Variants in CDNF observed in about 807,000 individuals in gnomAD.
CDNF encodes cerebral dopamine neurotrophic factor.
A neutral mutation model predicts 14.8 loss-of-function variants in CDNF; 9 were observed. The ratio of observed to expected loss-of-function variants is 0.61; its 90% confidence interval spans 0.37 to 1.06. The LOEUF is 1.06. Ranked by LOEUF, CDNF falls within the 50% of genes least tolerant of loss-of-function variation. The pLI is 0.01. For synonymous variants in CDNF, 86 were observed against 87.2 expected (o/e 0.99, Z 0.07); for missense variants, 228 against 228.4 (o/e 1.00, Z 0.01).
In CDNF at chr10:14,820,129, G is replaced by A; in HGVS notation, c.415C>T (p.Leu139=). Residue 139 remains leucine (L), a synonymous_variant, in exon 4 of 4, where the codon CTG becomes TTG. Transcript: ENST00000465530. ...EKTLDLASVD[L]RKMRVAELKQ... ...AGCTCTGCCACTCTCATCTTCCGCA[G>A]GTCAACTGATGCCAAGTCCAGTGTT... 1 of 1,613,820 alleles carries A rather than the reference G, an allele frequency of 6.2e-7. No homozygotes were observed. The highest frequency in any genetic ancestry group is 8.5e-7 in the Non-Finnish European group (1 of 1,179,946).
chr10:14,820,367 C>T (rs1455460286), intron 3 of CDNF, among the ~76,000 whole-genome samples: 1 of 152,100 alleles, frequency 6.6e-6, no homozygotes, highest in Admixed American at 6.5e-5. Context: ...TCTGCATCTG[C>T]AGATTCAACC....
At chr10:14,820,767 T>C (rs2131620657) in intron 3 of CDNF, among the ~76,000 whole-genome samples, 1 of 152,138 alleles carries the variant, frequency 6.6e-6, no homozygotes, top group African/African-American at 2.4e-5. Flanking sequence ...ATAACAACTA[T>C]TTACAATGAT....
chr10:14,820,200 G>A (rs760607239), intron 3 of CDNF, 42 bp from the exon 4 acceptor site: 17 of 1,586,166 alleles, frequency 1.1e-5, no homozygotes, highest in Middle Eastern at 1.7e-4. Flanking sequence ...AAAATAAATG[G>A]AAAAAAAATC....
intron 1 of CDNF, among the ~76,000 whole-genome samples, chr10:14,837,496 CA>C (rs1833902566): frequency 6.6e-6 from 1 of 152,224 alleles, no homozygotes; most frequent in African/African-American, 2.4e-5. Flanking sequence ...CAAGGGGAGG[CA>C]AATCTTGCTG....
intron 2 of CDNF, among the ~76,000 whole-genome samples, chr10:14,826,161 AAGAAGCAGAAGCAGCAGC>A (rs975687282): frequency 2.7e-5 from 4 of 147,132 alleles, no homozygotes; most frequent in African/African-American, 7.9e-5. Context: ...GAAGAAGAAG[AAGAAGCAGAAGCAGCAGC>A]AGAAGCAGAA....
In CDNF at chr10:14,819,591, G is replaced by A. The variant is rs969038314; in HGVS notation, c.*389C>T. 1 of 157,688 alleles carries A rather than the reference G, an allele frequency of 6.3e-6. No homozygotes were observed. Among genetic ancestry groups the A allele is most frequent in the Admixed American group, 6.4e-5 (1 of 15,534 alleles). 9.8% of individuals were successfully genotyped at this position (157,688 alleles called of 1,614,324 possible). On this transcript the variant is annotated 3_prime_UTR_variant, in exon 4 of 4. Coordinates refer to ENST00000465530, the MANE Select transcript of CDNF (RefSeq NM_001029954.3). Reference sequence around the variant, plus strand: ...ATTGAAGTTGTGCATTAGATAAGCTGACTGTTGTGTCTTTTGTTTTAGTCC... The same window carrying A: ...ATTGAAGTTGTGCATTAGATAAGCTAACTGTTGTGTCTTTTGTTTTAGTCC...
At chr10:14,828,429 A>C (rs1833817293) in intron 1 of CDNF, among the ~76,000 whole-genome samples, 157 bp from the exon 2 acceptor site, 1 of 152,058 alleles carries the variant, frequency 6.6e-6, no homozygotes, top group Admixed American at 6.5e-5. Context: ...TGGGCAGATC[A>C]CAAGGTCAGG....
chr10:14,822,921 A>G (rs916020572), intron 3 of CDNF, among the ~76,000 whole-genome samples: 1 of 152,190 alleles, frequency 6.6e-6, no homozygotes, highest in African/African-American at 2.4e-5. Context: ...TTTAAACACA[A>G]AGCAAGCAAA....
chr10:14,828,303 C>A, intron 1 of CDNF, 31 bp from the exon 2 acceptor site: 1 of 1,609,122 alleles, frequency 6.2e-7, no homozygotes, highest in Non-Finnish European at 8.5e-7. Context: ...TGTCTGCATG[C>A]ACAACTTAAC....
intron 1 of CDNF, among the ~76,000 whole-genome samples, chr10:14,836,932 CAAAAACAAAAACA>C (rs1310704070): frequency 1.4e-4 from 22 of 151,968 alleles, no homozygotes; most frequent in Non-Finnish European, 4.4e-5. Flanking sequence ...TGTCTCAAAA[CAAAAACAAAAACA>C]AAAAACAAAA....
intron 3 of CDNF, among the ~76,000 whole-genome samples, chr10:14,820,402 A>G (rs956582734): frequency 2.0e-5 from 3 of 152,148 alleles, no homozygotes; most frequent in Non-Finnish European, 2.9e-5. Flanking sequence ...AATATTCTAA[A>G]CAAATTAAAG....
chr10:14,826,688 AG>A (rs1833799615), intron 2 of CDNF, among the ~76,000 whole-genome samples: 1 of 152,222 alleles, frequency 6.6e-6, no homozygotes, highest in Non-Finnish European at 1.5e-5. Context: ...TCTCTGTGCC[AG>A]GTGCTGCTCT....
In CDNF at chr10:14,828,290, A is replaced by G; in HGVS notation, c.116-18T>C. 6.2e-7 allele frequency: 1 copy of G among 1,612,122 alleles called. No individual in the cohort carries two copies. Among genetic ancestry groups the G allele is most frequent in the Non-Finnish European group, 8.5e-7 (1 of 1,178,868 alleles). On this transcript the variant is annotated intron_variant, in intron 1 of 3. Transcript: ENST00000465530. Reference sequence around the variant, plus strand: ...TTTACATACTGGAAGGAACAAATAAATATGTCTGCATGCACAACTTAACCA... The same window carrying G: ...TTTACATACTGGAAGGAACAAATAAGTATGTCTGCATGCACAACTTAACCA...
Position 14,828,244 on chromosome 10 carries a change from G to C in CDNF, c.144C>G (p.Tyr48Ter), listed in dbSNP as rs1262348439. ...EVCKEFLNRF[Y>*]KSLIDRGVNF... The stretch of plus-strand genomic sequence containing the variant: ...TAACTCCTCTGTCTATCAGTGACTT[G>C]TAGAATCGGTTCAAGAATTCTTTAC... Residue 48 changes from tyrosine (Y) to a stop codon, truncating the protein, a stop_gained, in exon 2 of 4, where the codon TAC becomes TAG. Transcript: ENST00000465530. LOFTEE classifies it high-confidence loss of function. The C allele has an allele frequency of 1.9e-6, 3 of 1,613,274 alleles. No homozygotes were observed. Among genetic ancestry groups the C allele is most frequent in the Non-Finnish European group, 2.5e-6 (3 of 1,179,428 alleles).
intron 1 of CDNF, among the ~76,000 whole-genome samples, chr10:14,829,786 C>T (rs1242480681): frequency 6.6e-6 from 1 of 152,120 alleles, no homozygotes; most frequent in Non-Finnish European, 1.5e-5. Flanking sequence ...CTCGCCACCA[C>T]ACCCTGCTAA....
At chr10:14,830,334 TAAACATAAAA>T (rs2131626574) in intron 1 of CDNF, among the ~76,000 whole-genome samples, 1 of 152,326 alleles carries the variant, frequency 6.6e-6, no homozygotes, top group Admixed American at 6.5e-5. Context: ...TATGTTTCTT[TAAACATAAAA>T]AAACATAACT....
At chr10:14,830,695 A>T (rs928909542) in intron 1 of CDNF, among the ~76,000 whole-genome samples, 1 of 152,074 alleles carries the variant, frequency 6.6e-6, no homozygotes, top group African/African-American at 2.4e-5. Context: ...AAAATACAAA[A>T]ATTAGCCAGG....
intron 2 of CDNF, among the ~76,000 whole-genome samples, chr10:14,826,008 CAGAAGCAGAAGAAGAAGAAGG>C (rs1318666658): frequency 9.2e-4 from 78 of 84,964 alleles, no homozygotes; most frequent in African/African-American, 3.9e-3. Flanking sequence ...GCAGAAGAAG[CAGAAGCAGAAGAAGAAGAAGG>C]AGAAGAAGAA....
chr10:14,832,651 A>G (rs1295187189), intron 1 of CDNF, among the ~76,000 whole-genome samples: 1 of 152,158 alleles, frequency 6.6e-6, no homozygotes, highest in African/African-American at 2.4e-5. Context: ...CTCTGGACCT[A>G]TCTTGAAGGA....
Sources: gnomAD v4.1 joint callset for allele counts (sites outside exome capture counted in the v4.1 genomes callset) on GRCh38, gnomAD v4.1.1 for gene constraint, MANE v1.5 for transcripts, NCBI Gene and HGNC (gene_info 2026-07-23, HGNC 2026-07-21) for gene names.